The following QTMAN variants were observed in gnomAD, a reference collection of about 807,000 sequenced individuals.
QTMAN encodes the protein tRNA-queuosine alpha-mannosyltransferase.
chr2:144,123,354 A>C, the QTMAN span, among the ~76,000 whole-genome samples: 28 of 152,282 alleles, frequency 1.8e-4, no homozygotes, highest in African/African-American at 6.3e-4. Context: ...AAAGTCTGTC[A>C]GTCCTTTTTC....
chr2:143,994,033 C>T, the QTMAN span, among the ~76,000 whole-genome samples: 1 of 152,110 alleles, frequency 6.6e-6, no homozygotes, highest in Non-Finnish European at 1.5e-5. Flanking sequence ...TCTTTGAATT[C>T]CTGGTAGCTC....
chr2:144,138,489 T>C, the QTMAN span, among the ~76,000 whole-genome samples: 6,732 of 151,578 alleles, frequency 0.044, 497 homozygotes, highest in African/African-American at 0.15. Flanking sequence ...AAAAGGAAAA[T>C]AGGAATAATT....
At chr2:144,090,999 A>G in the QTMAN span, among the ~76,000 whole-genome samples, 1 of 152,026 alleles carries the variant, frequency 6.6e-6, no homozygotes, top group Non-Finnish European at 1.5e-5. Flanking sequence ...AAAAAAGACA[A>G]ATAGATCAAC....
the QTMAN span, among the ~76,000 whole-genome samples, chr2:144,281,809 A>G: frequency 6.6e-6 from 1 of 152,232 alleles, no homozygotes; most frequent in African/African-American, 2.4e-5. Context: ...ACCTGCCAAC[A>G]CATTGATCTT....
At chr2:144,117,834 A>T in the QTMAN span, among the ~76,000 whole-genome samples, 1 of 151,912 alleles carries the variant, frequency 6.6e-6, no homozygotes, top group Non-Finnish European at 1.5e-5. Flanking sequence ...ATACTAATTT[A>T]TTTATTCATT....
chr2:144,105,475 G>A, the QTMAN span, among the ~76,000 whole-genome samples: 41 of 152,302 alleles, frequency 2.7e-4, no homozygotes, highest in East Asian at 3.3e-3. Flanking sequence ...TTCAGTAGCC[G>A]ATTCAATCAA....
chr2:144,064,353 A>G, the QTMAN span, among the ~76,000 whole-genome samples: 1 of 152,216 alleles, frequency 6.6e-6, no homozygotes, highest in Non-Finnish European at 1.5e-5. Context: ...CAGATTGATT[A>G]CATTCAATCT....
chr2:144,272,145 A>C, the QTMAN span, among the ~76,000 whole-genome samples: 80 of 152,310 alleles, frequency 5.3e-4, no homozygotes, highest in Non-Finnish European at 7.9e-4. Context: ...CCAAAGAAAA[A>C]TTAATATTTA....
At chr2:144,168,822 C>T in the QTMAN span, among the ~76,000 whole-genome samples, 1 of 151,996 alleles carries the variant, frequency 6.6e-6, no homozygotes, top group African/African-American at 2.4e-5. Flanking sequence ...TCTTAGGCTT[C>T]TTGTTAACTC....
chr2:144,255,233 A>G, the QTMAN span, among the ~76,000 whole-genome samples: 1 of 152,088 alleles, frequency 6.6e-6, no homozygotes, highest in African/African-American at 2.4e-5. Flanking sequence ...CTCATCTTGA[A>G]TTGTAGTTCT....
the QTMAN span, among the ~76,000 whole-genome samples, chr2:143,951,769 C>T: frequency 6.6e-6 from 1 of 151,472 alleles, no homozygotes; most frequent in African/African-American, 2.4e-5. Flanking sequence ...TTTAAAAAAG[C>T]ATGTACTGTG....
At chr2:143,946,047 T>C in the QTMAN span, 1 of 152,348 alleles carries the variant, frequency 6.6e-6, no homozygotes, top group South Asian at 2.1e-4. Flanking sequence ...ATTAAGAATT[T>C]ATTTTACCAT....
At chr2:144,300,119 A>G in the QTMAN span, among the ~76,000 whole-genome samples, 5 of 152,216 alleles carry the variant, frequency 3.3e-5, no homozygotes, top group African/African-American at 1.2e-4. Flanking sequence ...CTGGGGAGTG[A>G]GTACCCACTG....
chr2:143,996,152 A>G, the QTMAN span, among the ~76,000 whole-genome samples: 1 of 152,168 alleles, frequency 6.6e-6, no homozygotes, highest in Non-Finnish European at 1.5e-5. Context: ...AGGTGGGGAG[A>G]TCAGAAGGGC....
At chr2:144,057,281 T>A in the QTMAN span, among the ~76,000 whole-genome samples, 4 of 152,186 alleles carry the variant, frequency 2.6e-5, no homozygotes, top group Non-Finnish European at 5.9e-5. Flanking sequence ...AACAACTCTA[T>A]CTCCTTCCAT....
chr2:144,101,252 T>G, the QTMAN span, among the ~76,000 whole-genome samples: 1 of 152,070 alleles, frequency 6.6e-6, no homozygotes, highest in Admixed American at 6.5e-5. Context: ...TATTCAGGAG[T>G]TGCCAAATCA....
the QTMAN span, among the ~76,000 whole-genome samples, chr2:144,114,813 G>C: frequency 5.3e-4 from 81 of 152,212 alleles, no homozygotes; most frequent in Non-Finnish European, 9.8e-4. Context: ...TGAGCAACTA[G>C]AAGATAGGTT....
At chr2:144,069,023 G>A in the QTMAN span, among the ~76,000 whole-genome samples, 12 of 152,202 alleles carry the variant, frequency 7.9e-5, no homozygotes, top group Admixed American at 7.2e-4. Context: ...AAGATATTCA[G>A]CCTTTTTAAC....
the QTMAN span, among the ~76,000 whole-genome samples, chr2:143,960,286 G>A: frequency 2.0e-5 from 3 of 152,106 alleles, no homozygotes; most frequent in African/African-American, 7.2e-5. Context: ...TAGTACATGT[G>A]TTTGAGAGGC....
Sources: allele counts gnomAD v4.1 joint callset (sites outside exome capture counted in the v4.1 genomes callset), GRCh38; gene constraint gnomAD v4.1.1; transcripts MANE v1.5; gene names NCBI Gene and HGNC (gene_info 2026-07-23, HGNC 2026-07-21).